The following ABCA9 variants were observed in gnomAD, a reference collection of about 807,000 sequenced individuals.
The protein encoded by ABCA9 is ATP binding cassette subfamily A member 9, also known as ATP-binding cassette sub-family A member 9.
A neutral mutation model predicts 205.3 loss-of-function variants in ABCA9; 183 were observed. The ratio of observed to expected loss-of-function variants is 0.89; its 90% CI spans 0.79 to 1.01. ABCA9 has a LOEUF of 1.01. Ranked by LOEUF, ABCA9 falls within the 50% of genes least tolerant of loss-of-function variation. The pLI, the probability that ABCA9 is intolerant of heterozygous loss-of-function variation, is 0.00. For missense variants in ABCA9, 1,805 were observed against 1,912.4 expected (o/e 0.94, Z 1.05); for synonymous variants, 651 against 683.3 (o/e 0.95, Z 0.74).
chr17:69,049,622 A>G (rs573883438), intron 2 of ABCA9, 132 bp from the exon 3 acceptor site: 7 of 735,386 alleles, frequency 9.5e-6, no homozygotes, highest in Admixed American at 6.8e-5. Flanking sequence ...CCTAGTTTTT[A>G]AATATCCTGA....
At chr17:69,026,633 G>A (rs184334491) in intron 15 of ABCA9, among the ~76,000 whole-genome samples, 166 bp from the exon 16 acceptor site, 3 of 152,218 alleles carry the variant, frequency 2.0e-5, no homozygotes, top group Admixed American at 6.5e-5. Context: ...CCAACAGCTC[G>A]AATGAGTGAT....
intron 16 of ABCA9, among the ~76,000 whole-genome samples, 168 bp downstream of exon 16, chr17:69,026,209 A>G (rs958412074): frequency 6.6e-6 from 1 of 152,190 alleles, no homozygotes; most frequent in Non-Finnish European, 1.5e-5. Context: ...CTATAATCTC[A>G]TATATCCTGC....
rs1229032627 is a variant in ABCA9 at position 68,988,676 on chromosome 17, T to C, written c.4047+351A>G. ...GGCTCTGCAACCACATAGGCAGGAG[T>C]TGTCATTATTCTGACAGTGGTTTCT... On this transcript the variant is annotated intron_variant, in intron 31 of 38. Coordinates refer to ENST00000340001, the MANE Select transcript of ABCA9 (RefSeq NM_080283.4). Among the ~76,000 whole-genome samples the C allele has an allele frequency of 2.0e-5, 3 of 152,044 alleles. No individual in the cohort carries two copies. In the East Asian group the frequency reaches 5.8e-4, roughly 29 times the overall value.
At position 69,027,632 on chromosome 17, in the gene ABCA9, T is replaced by C; in HGVS notation, c.1791+8A>G. 6.2e-7 allele frequency: 1 copy of C among 1,612,118 alleles called. No individual in the cohort carries two copies. Among genetic ancestry groups the C allele is most frequent in the Non-Finnish European group, 8.5e-7 (1 of 1,179,454 alleles). On this transcript the variant is annotated splice_region_variant and intron_variant, in intron 13 of 38. Coordinates refer to ENST00000340001, the MANE Select transcript of ABCA9 (RefSeq NM_080283.4). Reference sequence around the variant, plus strand: ...TATGGCTATGTGACATCTAATATGCTCACATACCTCTTTCTCCACTTCATG... The same window carrying C: ...TATGGCTATGTGACATCTAATATGCCCACATACCTCTTTCTCCACTTCATG...
At chr17:69,043,825 GT>G (rs1300536573) in intron 5 of ABCA9, 110 bp from the exon 6 acceptor site, 167 of 942,184 alleles carry the variant, frequency 1.8e-4, no homozygotes, top group Non-Finnish European at 4.7e-6. Context: ...TGTATTTTAT[GT>G]TTATATGCCC....
At chr17:69,001,245 T>A (rs2069854621) in intron 25 of ABCA9, among the ~76,000 whole-genome samples, 1 of 152,144 alleles carries the variant, frequency 6.6e-6, no homozygotes, top group Non-Finnish European at 1.5e-5. Flanking sequence ...AGTATGATAT[T>A]GGCTGTGGGT....
the ABCA9 span, chr17:69,078,938 T>G: frequency 7.5e-7 from 1 of 1,330,426 alleles, no homozygotes; most frequent in Non-Finnish European, 1.1e-6. Flanking sequence ...CATGAGTTTA[T>G]AGGAGATCAA....
intron 25 of ABCA9, among the ~76,000 whole-genome samples, chr17:69,007,246 C>T (rs929689413): frequency 2.6e-5 from 4 of 151,988 alleles, no homozygotes; most frequent in African/African-American, 9.7e-5. Flanking sequence ...ACTAAAAATA[C>T]AAAAATTAGC....
intron 31 of ABCA9, chr17:68,986,555 C>T (rs754169411): frequency 1.9e-5 from 7 of 377,728 alleles, no homozygotes; most frequent in African/African-American, 8.3e-5. Flanking sequence ...ATTCCATGAC[C>T]GTGATTGAAC....
At chr17:69,070,145 A>T in the ABCA9 span, among the ~76,000 whole-genome samples, 157 of 152,336 alleles carry the variant, frequency 1.0e-3, no homozygotes, top group African/African-American at 3.7e-3. Context: ...CAGGTTTGGA[A>T]ATGTAACTCT....
At chr17:69,049,216 GA>G in intron 3 of ABCA9, 66 bp downstream of exon 3, 1 of 1,399,224 alleles carries the variant, frequency 7.1e-7, no homozygotes, top group Non-Finnish European at 9.8e-7. Flanking sequence ...ATTTATGAAG[GA>G]AATCTCAAAA....
chr17:68,986,086 C>T, intron 32 of ABCA9, 78 bp downstream of exon 32: 1 of 1,430,728 alleles, frequency 7.0e-7, no homozygotes, highest in Non-Finnish European at 9.4e-7. Flanking sequence ...ATTACAACCT[C>T]CCTGTCTTCA....
Position 69,002,642 on chromosome 17 carries a change from G to A in ABCA9, c.3435+5117C>T, listed in dbSNP as rs545026226. ...TAGATGTCTATTAGGTCCGCTTGGT[G>A]CAGGGCTGAGTTCAATTCCTGGGTA... On this transcript the variant is annotated intron_variant, in intron 25 of 38. Transcript: ENST00000340001. Among the ~76,000 whole-genome samples the A allele has an allele frequency of 9.9e-5, 15 of 152,002 alleles. No homozygotes were observed. The South Asian group carries it at 2.5e-3, about 25-fold the overall frequency.
rs1387427033 is a variant in ABCA9 at position 68,983,845 on chromosome 17, T to G, written c.4504A>C (p.Ile1502Leu). 6.2e-7 allele frequency: 1 copy of G among 1,614,142 alleles called. No homozygotes were observed. The highest frequency in any genetic ancestry group is 1.1e-5 in the South Asian group (1 of 91,074). Residue 1502 changes from isoleucine (I) to leucine (L), a missense_variant, in exon 36 of 39, where the codon ATT becomes CTT. Transcript: ENST00000340001. ...AIMVSGRLRC[I>L]GSIQHLKSKF... is the part of the protein sequence containing the mutation. ...CTTTTCAGGTGTTGGATGGAACCAA[T>G]ACATCTGAAGGTAACAGAAGGATAA... is the stretch of plus-strand genomic sequence containing the variant.
intron 6 of ABCA9, among the ~76,000 whole-genome samples, chr17:69,038,015 C>T (rs761748042): frequency 3.7e-4 from 57 of 152,138 alleles, no homozygotes; most frequent in Middle Eastern, 3.4e-3. Context: ...AAGACTAAAC[C>T]AGGAAGAAGT....
In ABCA9 at chr17:69,033,992, C is replaced by A. The variant is rs981684603; in HGVS notation, c.1129-119G>T. 5.0e-6 allele frequency: 4 copies of A among 805,962 alleles called. No homozygotes were observed. The African/African-American group carries it at 6.9e-5, about 14-fold the overall frequency. 49.9% of individuals were successfully genotyped at this position (805,962 alleles called of 1,614,324 possible). On this transcript the variant is annotated intron_variant, in intron 8 of 38. Transcript: ENST00000340001. The stretch of plus-strand genomic sequence containing the variant: ...TAAATAAGATATAATCTTGTCTCTA[C>A]AGAGCTCTGTCTACTATTATAGAAG...
chr17:69,037,884 A>G (rs1443769803), intron 6 of ABCA9, among the ~76,000 whole-genome samples: 2 of 152,212 alleles, frequency 1.3e-5, no homozygotes, highest in East Asian at 3.8e-4. Context: ...GATAAAGGGG[A>G]TATCACCACT....
chr17:69,028,708 C>G, intron 11 of ABCA9, 63 bp from the exon 12 acceptor site: 2 of 990,900 alleles, frequency 2.0e-6, no homozygotes, highest in Non-Finnish European at 2.9e-6. Flanking sequence ...GTCTCTGAAA[C>G]TGTTGTAATT....
rs766358083 is a variant in ABCA9, at chr17:69,045,316, G to T, written c.325C>A (p.Pro109Thr). Residue 109 changes from proline to threonine, a missense_variant, in exon 4 of 39, where the codon CCT (proline) becomes ACT (threonine). Coordinates refer to ENST00000340001, the MANE Select transcript of ABCA9 (RefSeq NM_080283.4). ...AATTCATCCATGCTTTTTTCATCAG[G>T]CCACCCCATGATTGTTCTTCCTGCC... ...FLKGRTIMGW[P>T]DEKSMDELDL... 1 of 1,610,466 alleles carries T rather than the reference G, an allele frequency of 6.2e-7. No homozygotes were observed. Among genetic ancestry groups the T allele is most frequent in the South Asian group, 1.1e-5 (1 of 90,600 alleles).
Sources: allele counts gnomAD v4.1 joint callset (sites outside exome capture counted in the v4.1 genomes callset), GRCh38; gene constraint gnomAD v4.1.1; transcripts MANE v1.5; gene names NCBI Gene and HGNC (gene_info 2026-07-23, HGNC 2026-07-21).